ARFIP1: variants seen among roughly 807,000 people sequenced by gnomAD.
ARFIP1 encodes the protein arfaptin-1.
Under a neutral mutation model 42.5 loss-of-function variants are expected in ARFIP1, and 24 were observed. That is an observed-to-expected ratio of 0.57 (90% CI 0.41 to 0.80). The LOEUF (loss-of-function observed/expected upper bound fraction) is 0.80, where lower values mean the gene tolerates loss of function less well. Ranked by LOEUF, ARFIP1 falls within the 30% of genes least tolerant of loss-of-function variation. The pLI is 0.00. For missense variants in ARFIP1, 354 were observed against 434.0 expected (o/e 0.82, Z 1.64); for synonymous variants, 141 against 153.7 (o/e 0.92, Z 0.61).
At chr4:152,822,085 CATG>C (rs1452179448) in intron 1 of ARFIP1, among the ~76,000 whole-genome samples, 1 of 151,920 alleles carries the variant, frequency 6.6e-6, no homozygotes, top group Admixed American at 6.6e-5. Context: ...TAGGTAACAA[CATG>C]ATGATCTATT....
At chr4:152,864,782 G>T (rs1376045099) in intron 3 of ARFIP1, among the ~76,000 whole-genome samples, 1 of 152,130 alleles carries the variant, frequency 6.6e-6, no homozygotes, top group Non-Finnish European at 1.5e-5. Context: ...CCGCATGCCA[G>T]CCTTTTTAAG....
intron 2 of ARFIP1, among the ~76,000 whole-genome samples, chr4:152,833,906 C>A (rs939809469): frequency 6.6e-6 from 1 of 151,948 alleles, no homozygotes; most frequent in African/African-American, 2.4e-5. Context: ...TAAAGAAATA[C>A]CTGAGGCTAG....
At chr4:152,842,236 T>C (rs1732151449) in intron 2 of ARFIP1, among the ~76,000 whole-genome samples, 2 of 150,758 alleles carry the variant, frequency 1.3e-5, no homozygotes, top group Admixed American at 1.3e-4. Context: ...GATCCGGATA[T>C]AAACCCAAGC....
At chr4:152,800,046 C>T (rs1052343656) in intron 1 of ARFIP1, among the ~76,000 whole-genome samples, 1 of 152,100 alleles carries the variant, frequency 6.6e-6, no homozygotes, top group Non-Finnish European at 1.5e-5. Context: ...CCCAAATATG[C>T]AGCATTCATG....
chr4:152,904,984 A>T (rs1054318697), intron 8 of ARFIP1, among the ~76,000 whole-genome samples: 1 of 152,316 alleles, frequency 6.6e-6, no homozygotes, highest in Admixed American at 6.5e-5. Context: ...TGTCTTCCAC[A>T]ATGGTTGAAC....
intron 5 of ARFIP1, among the ~76,000 whole-genome samples, chr4:152,879,167 A>G (rs1735614895): frequency 6.6e-6 from 1 of 151,982 alleles, no homozygotes. Flanking sequence ...ACTTTTAAAA[A>G]ATAACACTCT....
intron 8 of ARFIP1, among the ~76,000 whole-genome samples, chr4:152,895,551 CTTTTTTTTTTTTT>C (rs34697452): frequency 4.7e-5 from 3 of 63,898 alleles, no homozygotes; most frequent in East Asian, 6.0e-4. Context: ...TGCACTTGGC[CTTTTTTTTTTTTT>C]TTTTTTTTTT....
At chr4:152,848,861 T>C (rs1434247390) in intron 2 of ARFIP1, among the ~76,000 whole-genome samples, 2 of 152,214 alleles carry the variant, frequency 1.3e-5, no homozygotes. Flanking sequence ...TTTGTCTCCA[T>C]TCTATATAGG....
At chr4:152,883,160 A>G (rs1426232531) in intron 7 of ARFIP1, 1 of 301,702 alleles carries the variant, frequency 3.3e-6, no homozygotes. Context: ...ACCATAAATA[A>G]TTTCCTAAAT....
chr4:152,866,574 G>A (rs1454027521), intron 3 of ARFIP1, among the ~76,000 whole-genome samples: 4 of 150,678 alleles, frequency 2.7e-5, no homozygotes, highest in South Asian at 4.2e-4. Flanking sequence ...TGGACGGGGC[G>A]GCTGGCCGGG....
intron 7 of ARFIP1, among the ~76,000 whole-genome samples, chr4:152,885,522 C>T (rs966642717): frequency 2.6e-5 from 4 of 151,836 alleles, no homozygotes; most frequent in South Asian, 2.1e-4. Context: ...TCAGTTCAGA[C>T]GGGCAACCTT....
chr4:152,851,173 A>G (rs1561142088), intron 2 of ARFIP1, among the ~76,000 whole-genome samples: 1 of 152,228 alleles, frequency 6.6e-6, no homozygotes. Flanking sequence ...CAAGTGGTGA[A>G]CAAGATAGAT....
intron 2 of ARFIP1, among the ~76,000 whole-genome samples, chr4:152,860,700 C>T (rs1013108626): frequency 1.3e-5 from 2 of 152,166 alleles, no homozygotes; most frequent in Non-Finnish European, 1.5e-5. Context: ...GACACAATCC[C>T]CTCCGTTTAA....
intron 2 of ARFIP1, among the ~76,000 whole-genome samples, chr4:152,855,862 C>T (rs562523944): frequency 6.6e-6 from 1 of 152,284 alleles, no homozygotes; most frequent in East Asian, 1.9e-4. Context: ...GGGAAGTCTC[C>T]CTTTGCCTCC....
chr4:152,873,421 AG>A (rs1218079568), intron 5 of ARFIP1, among the ~76,000 whole-genome samples: 3 of 152,230 alleles, frequency 2.0e-5, no homozygotes, highest in Admixed American at 1.3e-4. Context: ...CTTCTACAAA[AG>A]TATAGGTTTT....
intron 5 of ARFIP1, among the ~76,000 whole-genome samples, chr4:152,880,238 G>C (rs1735720026): frequency 6.6e-6 from 1 of 152,000 alleles, no homozygotes; most frequent in Admixed American, 6.6e-5. Flanking sequence ...AGCTACTTAG[G>C]AGGCCGAGAC....
chr4:152,866,150 G>C (rs1734314510), intron 3 of ARFIP1, among the ~76,000 whole-genome samples: 1 of 152,096 alleles, frequency 6.6e-6, no homozygotes, highest in Non-Finnish European at 1.5e-5. Flanking sequence ...ACCCTGAGTG[G>C]ACACAGCACA....
intron 8 of ARFIP1, among the ~76,000 whole-genome samples, chr4:152,908,891 A>AGTGTGTGTGTGTGTGT (rs58362465): frequency 3.8e-5 from 5 of 132,564 alleles, no homozygotes; most frequent in Admixed American, 7.5e-5. Context: ...GCTAGAGAGA[A>AGTGTGTGTGTGTGTGT]GTGTGTGTGT....
intron 1 of ARFIP1, among the ~76,000 whole-genome samples, chr4:152,803,915 T>A (rs545185066): frequency 1.4e-3 from 202 of 148,726 alleles, no homozygotes; most frequent in Non-Finnish European, 2.2e-3. Flanking sequence ...GTTGTCAACA[T>A]CAAGAAAGCA....
Sources: gnomAD v4.1 joint callset for allele counts (sites outside exome capture counted in the v4.1 genomes callset) on GRCh38, gnomAD v4.1.1 for gene constraint, MANE v1.5 for transcripts, NCBI Gene and HGNC (gene_info 2026-07-23, HGNC 2026-07-21) for gene names.